The following NAV2 variants were observed in gnomAD, a reference collection of about 807,000 sequenced individuals.
The protein encoded by NAV2 is helicase, APC down-regulated 1.
NAV2 carries 54 observed loss-of-function variants against 223.2 expected under a neutral mutation model. The observed-to-expected ratio is 0.24, with a 90% CI of 0.19 to 0.30. The LOEUF is 0.30. NAV2 is among the 10% of genes least tolerant of loss of function. The pLI is 1.00. For synonymous variants in NAV2, 1,279 were observed against 1,239.3 expected (o/e 1.03, Z -0.67); for missense variants, 2,806 against 3,147.5 (o/e 0.89, Z 2.60).
intron 1 of NAV2, among the ~76,000 whole-genome samples, chr11:19,467,553 T>A (rs1184460176): frequency 6.6e-6 from 1 of 152,224 alleles, no homozygotes; most frequent in Non-Finnish European, 1.5e-5. Flanking sequence ...CAGATGTTTT[T>A]CCATGAGAGG....
chr11:19,685,858 C>T (rs1300023687), intron 1 of NAV2, among the ~76,000 whole-genome samples: 1 of 152,190 alleles, frequency 6.6e-6, no homozygotes, highest in South Asian at 2.1e-4. Flanking sequence ...CTCCCACGCT[C>T]TGCACCAAGA....
intron 1 of NAV2, among the ~76,000 whole-genome samples, chr11:19,474,762 C>T (rs573221394): frequency 5.9e-5 from 9 of 152,272 alleles, no homozygotes; most frequent in Non-Finnish European, 1.0e-4. Context: ...TCCAGAGAAC[C>T]GATGAAAAAA....
chr11:19,740,253 G>A lies in NAV2; in HGVS notation c.267+26291G>A, dbSNP rs144391374. Reference sequence around the variant, plus strand: ...TAGGTAGGTGGCATTCCAGGTAAAGGGGACATTGTGGGCAAAGACATGGGG... The same window carrying A: ...TAGGTAGGTGGCATTCCAGGTAAAGAGGACATTGTGGGCAAAGACATGGGG... On this transcript the variant is annotated intron_variant, in intron 1 of 37. Transcript: ENST00000349880. Among the ~76,000 whole-genome samples, 304 of 152,268 alleles carry A rather than the reference G, an allele frequency of 2.0e-3. 3 individuals are homozygous for A. Among genetic ancestry groups the A allele is most frequent in the African/African-American group, 7.1e-3 (294 of 41,546 alleles).
chr11:19,480,172 G>A (rs948478754), intron 1 of NAV2, among the ~76,000 whole-genome samples: 1 of 152,078 alleles, frequency 6.6e-6, no homozygotes, highest in Non-Finnish European at 1.5e-5. Flanking sequence ...AAATTAAGCA[G>A]GTTTATTTGC....
intron 14 of NAV2, among the ~76,000 whole-genome samples, chr11:20,047,066 G>A (rs1327893544): frequency 2.0e-5 from 3 of 152,132 alleles, no homozygotes; most frequent in Admixed American, 1.3e-4. Context: ...TTTCAGTAAC[G>A]ATTTTTTTTT....
chr11:19,675,898 C>A (rs1342968043), intron 1 of NAV2, among the ~76,000 whole-genome samples: 1 of 152,196 alleles, frequency 6.6e-6, no homozygotes, highest in Non-Finnish European at 1.5e-5. Context: ...AGTGCTTACT[C>A]TGTACCATGC....
At chr11:20,045,983 C>T (rs372591953) in intron 14 of NAV2, among the ~76,000 whole-genome samples, 28 of 152,192 alleles carry the variant, frequency 1.8e-4, no homozygotes, top group Middle Eastern at 6.8e-3. Flanking sequence ...ACTTTTTTGT[C>T]AGGGTTTTTG....
At chr11:19,651,585 G>A (rs191954208) in intron 1 of NAV2, among the ~76,000 whole-genome samples, 46 of 152,318 alleles carry the variant, frequency 3.0e-4, no homozygotes, top group Non-Finnish European at 3.8e-4. Flanking sequence ...GTCAGCATGG[G>A]CTTGCTGAAC....
intron 1 of NAV2, among the ~76,000 whole-genome samples, chr11:19,824,127 AT>A (rs1466043120): frequency 6.6e-6 from 1 of 152,202 alleles, no homozygotes; most frequent in Non-Finnish European, 1.5e-5. Flanking sequence ...ACTACATACT[AT>A]GTGCCAGACA....
In NAV2 at chr11:19,832,668, G is replaced by A. The variant is rs1402289926; in HGVS notation, c.385+67G>A. 4 of 1,237,720 alleles carry A rather than the reference G, an allele frequency of 3.2e-6. No homozygotes were observed. In the Admixed American group the frequency reaches 5.1e-5, roughly 16 times the overall value. The allele number at this position is 1,237,720 out of a possible 1,614,324, so 76.7% of individuals were successfully genotyped here. The stretch of plus-strand genomic sequence containing the variant: ...AGCCATCTCAAAAGGCCGGGGTGAG[G>A]GGAACAGAGCACTGAAATCTCTCAG... On this transcript the variant is annotated intron_variant, in intron 2 of 37. Coordinates refer to ENST00000349880, the MANE Select transcript of NAV2 (RefSeq NM_145117.5).
At chr11:19,497,292 T>C (rs766295921) in intron 1 of NAV2, among the ~76,000 whole-genome samples, 1 of 152,170 alleles carries the variant, frequency 6.6e-6, no homozygotes, top group Non-Finnish European at 1.5e-5. Flanking sequence ...CCCAGAACAT[T>C]GTAAGTGCCG....
chr11:19,884,468 T>C, intron 5 of NAV2: 3 of 916,246 alleles, frequency 3.3e-6, no homozygotes, highest in Middle Eastern at 2.2e-4. Context: ...CCTCGTTTCA[T>C]GTTTGCAGTT....
intron 8 of NAV2, among the ~76,000 whole-genome samples, chr11:19,942,108 C>A (rs1789732358): frequency 6.6e-6 from 1 of 152,210 alleles, no homozygotes; most frequent in African/African-American, 2.4e-5. Context: ...AGTTTTAAGA[C>A]CTCTCCATAT....
At chr11:19,860,411 G>A (rs1377922750) in intron 3 of NAV2, among the ~76,000 whole-genome samples, 106 of 148,784 alleles carry the variant, frequency 7.1e-4, no homozygotes, top group African/African-American at 2.2e-3. Flanking sequence ...GGGCAGAGGC[G>A]CTCCCCACAT....
intron 6 of NAV2, among the ~76,000 whole-genome samples, chr11:19,899,736 A>G (rs533848537): frequency 6.6e-6 from 1 of 152,308 alleles, no homozygotes. Context: ...GAGAAGTGAT[A>G]TCATTTGTAT....
chr11:19,840,975 A>G (rs146788826), intron 2 of NAV2, among the ~76,000 whole-genome samples: 2,583 of 152,294 alleles, frequency 0.017, 29 homozygotes, highest in Middle Eastern at 0.044. Context: ...TATATTTTCT[A>G]ATAAACAGAA....
intron 1 of NAV2, among the ~76,000 whole-genome samples, chr11:19,651,804 G>A (rs1414659991): frequency 1.3e-5 from 2 of 152,206 alleles, no homozygotes; most frequent in African/African-American, 4.8e-5. Context: ...AACTGAGGCT[G>A]AATAGACCAG....
At chr11:19,756,512 A>G (rs2054244721) in intron 1 of NAV2, among the ~76,000 whole-genome samples, 3 of 152,150 alleles carry the variant, frequency 2.0e-5, no homozygotes, top group Admixed American at 2.0e-4. Flanking sequence ...ACCAGAGTCA[A>G]CCTGAAACCC....
rs1050326002 is a variant in NAV2, at chr11:19,911,736, G to C, written c.931+19142G>C. Among the ~76,000 whole-genome samples the C allele has an allele frequency of 5.3e-5, 8 of 152,138 alleles. No individual in the cohort carries two copies. The East Asian group carries it at 1.5e-3, about 29-fold the overall frequency. ...CAGTCAGGGCAGAAATCAATTTCTTGGTGGGGGACAGAGCTGCAGCAAAGG... is the reference window on the plus strand; with the variant it reads ...CAGTCAGGGCAGAAATCAATTTCTTCGTGGGGGACAGAGCTGCAGCAAAGG... On this transcript the variant is annotated intron_variant, in intron 6 of 37. Transcript: ENST00000349880.
Sources: allele counts gnomAD v4.1 joint callset (sites outside exome capture counted in the v4.1 genomes callset), GRCh38; gene constraint gnomAD v4.1.1; transcripts MANE v1.5; gene names NCBI Gene and HGNC (gene_info 2026-07-23, HGNC 2026-07-21).